Variants in AKAP6 observed in about 807,000 individuals in gnomAD.
AKAP6 encodes the protein A-kinase anchoring protein 6, also known as A-kinase anchor protein 6.
Under a neutral mutation model 188.5 loss-of-function variants are expected in AKAP6, and 58 were observed. That is an observed-to-expected ratio of 0.31 (90% CI 0.25 to 0.38). The LOEUF is 0.38. Ranked by LOEUF, AKAP6 falls within the 10% of genes least tolerant of loss-of-function variation. AKAP6 has a pLI of 1.00. For synonymous variants in AKAP6, 989 were observed against 998.6 expected (o/e 0.99, Z 0.18); for missense variants, 2,710 against 2,740.0 (o/e 0.99, Z 0.24).
rs745918835 is a variant in AKAP6, at chr14:32,824,715, C to T, written c.6902C>T (p.Thr2301Ile). ...TTGCATCCCAGCCCCAAAACTTTAACCTGTGAAGAAAATCTTCTAAACCTT... is the reference window on the plus strand; with the variant it reads ...TTGCATCCCAGCCCCAAAACTTTAATCTGTGAAGAAAATCTTCTAAACCTT... ...AALHPSPKTL[T>I]CEENLLNLHE... The change falls in exon 13 of 14, where the codon ACC becomes ATC. Residue 2301 changes from threonine to isoleucine, a missense_variant. Transcript: ENST00000280979. 44 of 1,613,506 alleles carry T rather than the reference C, an allele frequency of 2.7e-5. 1 individual carries two copies. The South Asian group carries it at 4.8e-4, about 18-fold the overall frequency.
intron 2 of AKAP6, among the ~76,000 whole-genome samples, chr14:32,527,838 A>G (rs948643285): frequency 6.6e-6 from 1 of 152,122 alleles, no homozygotes; most frequent in African/African-American, 2.4e-5. Flanking sequence ...ACTTCTTTAT[A>G]TATTTTGAAT....
chr14:32,689,670 T>C (rs1890087233), intron 8 of AKAP6, among the ~76,000 whole-genome samples: 1 of 152,102 alleles, frequency 6.6e-6, no homozygotes, highest in East Asian at 1.9e-4. Context: ...ATTTTATTCT[T>C]TGATGATATT....
chr14:32,541,760 T>G (rs1399060006), intron 3 of AKAP6, among the ~76,000 whole-genome samples: 1 of 152,214 alleles, frequency 6.6e-6, no homozygotes, highest in Admixed American at 6.5e-5. Flanking sequence ...ATGAAAAGAT[T>G]AAAGAAAATA....
At chr14:32,584,540 A>C (rs1295510571) in intron 5 of AKAP6, among the ~76,000 whole-genome samples, 1 of 152,202 alleles carries the variant, frequency 6.6e-6, no homozygotes, top group Non-Finnish European at 1.5e-5. Flanking sequence ...AATCTGACAA[A>C]TATATACACC....
At chr14:32,567,028 T>A (rs1884224223) in intron 4 of AKAP6, among the ~76,000 whole-genome samples, 1 of 152,090 alleles carries the variant, frequency 6.6e-6, no homozygotes, top group Non-Finnish European at 1.5e-5. Flanking sequence ...GCTCAAGCAA[T>A]CCTCCCACCT....
intron 11 of AKAP6, among the ~76,000 whole-genome samples, chr14:32,763,468 C>A (rs888238670): frequency 6.6e-6 from 1 of 152,080 alleles, no homozygotes; most frequent in Non-Finnish European, 1.5e-5. Context: ...AGACTCATGA[C>A]AACCAGGAGA....
At chr14:32,429,861 C>T (rs1890156715) in intron 1 of AKAP6, among the ~76,000 whole-genome samples, 1 of 152,156 alleles carries the variant, frequency 6.6e-6, no homozygotes, top group African/African-American at 2.4e-5. Context: ...GTACTTGACT[C>T]ATATAGGATG....
At chr14:32,508,511 GA>G (rs1880987151) in intron 2 of AKAP6, among the ~76,000 whole-genome samples, 1 of 152,144 alleles carries the variant, frequency 6.6e-6, no homozygotes, top group East Asian at 1.9e-4. Context: ...CTAACAAAAG[GA>G]AAAACTCAGC....
chr14:32,582,714 C>T (rs1885035668), intron 5 of AKAP6, among the ~76,000 whole-genome samples: 1 of 152,068 alleles, frequency 6.6e-6, no homozygotes, highest in Non-Finnish European at 1.5e-5. Context: ...CTCTAAACTT[C>T]CCTTCTCGCT....
At chr14:32,667,004 A>G (rs910971242) in intron 7 of AKAP6, among the ~76,000 whole-genome samples, 1 of 151,998 alleles carries the variant, frequency 6.6e-6, no homozygotes, top group Admixed American at 6.6e-5. Context: ...TTTTATTGTG[A>G]TGTCTTTCTG....
chr14:32,569,140 G>A (rs1195667859), intron 4 of AKAP6, among the ~76,000 whole-genome samples: 2 of 152,168 alleles, frequency 1.3e-5, no homozygotes, highest in Non-Finnish European at 2.9e-5. Context: ...GTTCAGAATA[G>A]AACTTCCCAC....
intron 2 of AKAP6, among the ~76,000 whole-genome samples, chr14:32,509,885 G>A (rs1421096436): frequency 1.3e-5 from 2 of 152,118 alleles, no homozygotes; most frequent in African/African-American, 2.4e-5. Context: ...TACGTTTGCC[G>A]TATGTTACTT....
intron 4 of AKAP6, among the ~76,000 whole-genome samples, chr14:32,547,319 T>G (rs1883244543): frequency 6.6e-6 from 1 of 152,228 alleles, no homozygotes. Context: ...AATAGAATGA[T>G]AGCTGTGCAC....
chr14:32,429,947 C>T (rs934151047), intron 1 of AKAP6, among the ~76,000 whole-genome samples: 5 of 152,148 alleles, frequency 3.3e-5, no homozygotes, highest in African/African-American at 1.2e-4. Flanking sequence ...CATATATAAC[C>T]ACATCTGTTT....
At chr14:32,756,009 T>C (rs1344956246) in intron 11 of AKAP6, among the ~76,000 whole-genome samples, 1 of 152,330 alleles carries the variant, frequency 6.6e-6, no homozygotes, top group South Asian at 2.1e-4. Context: ...CACCAGTCAA[T>C]TGGTCTAGAG....
intron 2 of AKAP6, among the ~76,000 whole-genome samples, chr14:32,526,739 T>G (rs759060756): frequency 1.3e-5 from 2 of 152,230 alleles, no homozygotes; most frequent in Admixed American, 1.3e-4. Context: ...AAAAGTGTAT[T>G]TGCTAGAGGA....
intron 2 of AKAP6, among the ~76,000 whole-genome samples, chr14:32,463,470 C>T (rs191573392): frequency 6.3e-4 from 96 of 152,128 alleles, no homozygotes; most frequent in African/African-American, 2.1e-3. Context: ...ACAACTACGT[C>T]GAAACTGAAC....
At chr14:32,539,778 T>C (rs1205948390) in intron 3 of AKAP6, among the ~76,000 whole-genome samples, 1 of 152,188 alleles carries the variant, frequency 6.6e-6, no homozygotes, top group African/African-American at 2.4e-5. Flanking sequence ...TGTCATTACT[T>C]GCTCTTCTCA....
At chr14:32,459,268 G>A (rs909584667) in intron 2 of AKAP6, among the ~76,000 whole-genome samples, 2 of 150,842 alleles carry the variant, frequency 1.3e-5, no homozygotes, top group African/African-American at 4.8e-5. Context: ...AAAGGGGCAT[G>A]AGATAACTTT....
Sources: gnomAD v4.1 joint callset for allele counts (sites outside exome capture counted in the v4.1 genomes callset) on GRCh38, gnomAD v4.1.1 for gene constraint, MANE v1.5 for transcripts, NCBI Gene and HGNC (gene_info 2026-07-23, HGNC 2026-07-21) for gene names.